Variants in LRP4 observed in about 807,000 individuals in gnomAD.
LRP4 encodes the protein low-density lipoprotein receptor-related protein 4.
LRP4 carries 95 observed loss-of-function variants against 220.3 expected under a neutral mutation model. That is an observed-to-expected ratio of 0.43 (90% CI 0.37 to 0.51). LRP4 has a LOEUF of 0.51. Ranked by LOEUF, LRP4 falls within the 20% of genes least tolerant of loss-of-function variation. The pLI is 0.00. For synonymous variants in LRP4, 903 were observed against 954.6 expected (o/e 0.95, Z 1.00); for missense variants, 1,925 against 2,567.0 (o/e 0.75, Z 5.40).
intron 1 of LRP4, among the ~76,000 whole-genome samples, chr11:46,905,844 C>G (rs2134875783): frequency 6.8e-6 from 1 of 146,814 alleles, no homozygotes; most frequent in African/African-American, 2.5e-5. Flanking sequence ...AGGAGCGAAA[C>G]TCCGTCTCAA....
intron 28 of LRP4, chr11:46,874,534 T>G: frequency 2.1e-6 from 1 of 471,440 alleles, no homozygotes; most frequent in East Asian, 3.9e-5. Context: ...CAATGGTAGA[T>G]GTGAAAGTCT....
At chr11:46,906,267 C>A (rs1238678358) in intron 1 of LRP4, among the ~76,000 whole-genome samples, 4 of 152,078 alleles carry the variant, frequency 2.6e-5, no homozygotes, top group Admixed American at 1.3e-4. Flanking sequence ...ACCAGCCTGG[C>A]CAACATGGTG....
rs760601951 is a variant in LRP4 at position 46,899,342 on chromosome 11, T to G, written c.547+45A>C. 2.7e-6 allele frequency: 4 copies of G among 1,460,816 alleles called. No homozygotes were observed. Among genetic ancestry groups the G allele is most frequent in the Non-Finnish European group, 3.8e-6 (4 of 1,040,406 alleles). 90.5% of individuals were successfully genotyped at this position (1,460,816 alleles called of 1,614,324 possible). A position where few individuals can be genotyped will look rare whatever the true frequency, so the allele number is the denominator to read the frequency against. ...CGCCCTTAGCCAATGGGCAGAACTG[T>G]CTGCCCTCATCCAACCCAACAGCCT... On this transcript the variant is annotated intron_variant, in intron 5 of 37. Coordinates refer to ENST00000378623, the MANE Select transcript of LRP4 (RefSeq NM_002334.4). The surrounding 1 kb of genome is among the most constrained non-coding windows in gnomAD (Gnocchi z 5.9).
chr11:46,858,030 C>T lies in LRP4; in HGVS notation c.*953G>A, dbSNP rs1327059979. The T allele has an allele frequency of 6.6e-6, 1 of 152,392 alleles. No individual in the cohort carries two copies. The highest frequency in any genetic ancestry group is 1.9e-4 in the East Asian group (1 of 5,198). 9.4% of individuals were successfully genotyped at this position (152,392 alleles called of 1,614,324 possible). ...TGAAAGCTTGTTTCTAGGTCTCTTC[C>T]CCAGAATCCCAGGACATGAGGGAGA... On this transcript the variant is annotated 3_prime_UTR_variant, in exon 38 of 38. Coordinates refer to ENST00000378623, the MANE Select transcript of LRP4 (RefSeq NM_002334.4).
rs368744612 is a variant in LRP4 at position 46,896,210 on chromosome 11, G to T, written c.1048C>A (p.Arg350=). 6.2e-7 allele frequency: 1 copy of T among 1,613,686 alleles called. No homozygotes were observed. Among genetic ancestry groups the T allele is most frequent in the South Asian group, 1.1e-5 (1 of 91,066 alleles). Residue 350 remains arginine, a splice_region_variant and synonymous_variant, in exon 9 of 38, where the codon CGG becomes AGG. Transcript: ENST00000378623. ...NSDESPQQNC[R]PRTGEENCNV... ...AGGTCCGCCCACTGGGGACACTCAC[G>T]GCAATTCTGCTGTGGGCTTTCGTCG...
intron 1 of LRP4, among the ~76,000 whole-genome samples, chr11:46,909,831 T>A (rs1482115259): frequency 6.6e-6 from 1 of 152,014 alleles, no homozygotes; most frequent in African/African-American, 2.4e-5. Flanking sequence ...AAGTAGTTAT[T>A]TCCTACCTAA....
chr11:46,876,915 A>G (rs1941036056), intron 23 of LRP4, 85 bp from the exon 24 acceptor site: 2 of 1,088,248 alleles, frequency 1.8e-6, no homozygotes, highest in South Asian at 2.5e-5. Flanking sequence ...GAAACACCAG[A>G]GCATGTCAGA....
At position 46,899,053 on chromosome 11, in the gene LRP4, G is replaced by C; in HGVS notation, c.548-21C>G. On this transcript the variant is annotated intron_variant, in intron 5 of 37. Transcript: ENST00000378623. The surrounding 1 kb of genome is among the most constrained non-coding windows in gnomAD (Gnocchi z 5.9). ...TGAGGCTGGAGGGAAGGCAGGGGTG[G>C]GGAGGGGCACACACTCAGGCCTGGA... is the stretch of plus-strand genomic sequence containing the variant. 6.2e-7 allele frequency: 1 copy of C among 1,607,080 alleles called. No individual in the cohort carries two copies. The highest frequency in any genetic ancestry group is 8.5e-7 in the Non-Finnish European group (1 of 1,175,578).
In LRP4 at chr11:46,899,505, T is replaced by TG; in HGVS notation, c.431-3dup. ...CCTTGTCGGAGCACTTGCGCATGTC[T>TG]GGGGGGATGCGATGGGACAGCAGTT... is the stretch of plus-strand genomic sequence containing the variant. On this transcript the variant is annotated splice_polypyrimidine_tract_variant and splice_region_variant and intron_variant, in intron 4 of 37. Transcript: ENST00000378623. This position sits in a 1 kb window ranked among gnomAD's most constrained non-coding sequence, Gnocchi z 5.9. The TG allele has an allele frequency of 3.1e-6, 5 of 1,600,994 alleles. No individual in the cohort carries two copies. The highest frequency in any genetic ancestry group is 3.4e-6 in the Non-Finnish European group (4 of 1,168,788).
At chr11:46,869,174 G>A in intron 31 of LRP4, 42 bp from the exon 32 acceptor site, 1 of 1,592,324 alleles carries the variant, frequency 6.3e-7, no homozygotes. Flanking sequence ...ATATTATTCA[G>A]CAAGCAGACT....
intron 20 of LRP4, among the ~76,000 whole-genome samples, chr11:46,880,573 T>C (rs1022546319): frequency 6.6e-6 from 1 of 152,068 alleles, no homozygotes; most frequent in East Asian, 1.9e-4. Context: ...CAGTGGGCCA[T>C]GTTTGTGGCA....
At chr11:46,878,636 G>C (rs1941075697) in intron 22 of LRP4, among the ~76,000 whole-genome samples, 1 of 152,148 alleles carries the variant, frequency 6.6e-6, no homozygotes. Flanking sequence ...TGAGAGGAAA[G>C]TGTCTTGAGA....
chr11:46,902,616 T>C (rs936266158), intron 2 of LRP4, among the ~76,000 whole-genome samples, 167 bp downstream of exon 2: 3 of 152,174 alleles, frequency 2.0e-5, no homozygotes, highest in Non-Finnish European at 4.4e-5. Flanking sequence ...GTTGGAGCCA[T>C]ATATAGTGAA....
At position 46,889,355 on chromosome 11, in the gene LRP4, C is replaced by CTT; in HGVS notation, c.2215+54_2215+55dup. 4 of 1,609,388 alleles carry CTT rather than the reference C, an allele frequency of 2.5e-6. No homozygotes were observed. The South Asian group carries it at 4.4e-5, about 18-fold the overall frequency. On this transcript the variant is annotated intron_variant, in intron 16 of 37. Transcript: ENST00000378623. ...TCCCTCCACGTCCTATCCCTTGTTCCTTCTCCCCATCCTCACAACAGCCTC... is the reference window on the plus strand; with the variant it reads ...TCCCTCCACGTCCTATCCCTTGTTCCTTTTCTCCCCATCCTCACAACAGCCTC...
intron 11 of LRP4, 151 bp downstream of exon 11, chr11:46,895,015 C>G (rs1335804748): frequency 2.3e-5 from 29 of 1,262,480 alleles, no homozygotes; most frequent in Non-Finnish European, 3.0e-5. Context: ...ACCCCAGCAG[C>G]ATTTTTCTTG....
In LRP4 at chr11:46,899,396, C is replaced by G. The variant is rs763340602; in HGVS notation, c.538G>C (p.Glu180Gln). The stretch of plus-strand genomic sequence containing the variant: ...GTCTGGGGCCACTCACGACAGTTCT[C>G]CTCATCGGAGCCATCTTTGCAGTCG... Reference protein sequence around the residue: ...DTDCKDGSDEENCPSAVPAPP... With the variant: ...DTDCKDGSDEQNCPSAVPAPP... The change falls in exon 5 of 38, where the codon GAG becomes CAG. Residue 180 changes from glutamate (E) to glutamine (Q), a missense_variant. Glu to Gln is a conservative substitution (Grantham distance 29). Transcript: ENST00000378623. The surrounding 1 kb of genome is among the most constrained non-coding windows in gnomAD (Gnocchi z 5.9). 30 of 1,613,542 alleles carry G rather than the reference C, an allele frequency of 1.9e-5. No individual in the cohort carries two copies. Among genetic ancestry groups the G allele is most frequent in the Non-Finnish European group, 2.3e-5 (27 of 1,179,490 alleles).
At chr11:46,865,585 CA>C (rs1375669005) in intron 34 of LRP4, among the ~76,000 whole-genome samples, 3 of 152,062 alleles carry the variant, frequency 2.0e-5, no homozygotes, top group Non-Finnish European at 4.4e-5. Flanking sequence ...ATCCCAAGGT[CA>C]AAAAATGTTT....
chr11:46,861,927 G>C (rs1421925844), intron 37 of LRP4, among the ~76,000 whole-genome samples: 1 of 151,940 alleles, frequency 6.6e-6, no homozygotes, highest in Non-Finnish European at 1.5e-5. Context: ...AATTAGCCGG[G>C]CATGGTGGCG....
intron 37 of LRP4, chr11:46,860,783 A>T (rs1435432779): frequency 6.1e-6 from 1 of 163,406 alleles, no homozygotes; most frequent in African/African-American, 2.4e-5. Flanking sequence ...CACCCAGCAC[A>T]CCCTCCAAGA....
Sources: gnomAD v4.1 joint callset for allele counts (sites outside exome capture counted in the v4.1 genomes callset) on GRCh38, gnomAD v4.1.1 for gene constraint, Gnocchi (gnomAD v3.1) non-coding constraint, MANE v1.5 for transcripts, NCBI Gene and HGNC (gene_info 2026-07-23, HGNC 2026-07-21) for gene names.